BNC2: variants seen among roughly 807,000 people sequenced by gnomAD.
The protein encoded by BNC2 is basonuclin zinc finger protein 2, also known as zinc finger protein basonuclin-2.
A neutral mutation model predicts 76.3 loss-of-function variants in BNC2; 20 were observed. The ratio of observed to expected loss-of-function variants is 0.26; its 90% confidence interval spans 0.18 to 0.38. The LOEUF (loss-of-function observed/expected upper bound fraction) is 0.38, where lower values mean the gene tolerates loss of function less well. Among genes scored for constraint, BNC2 ranks in the 10% least tolerant of loss-of-function variants. The pLI is 1.00. For synonymous variants in BNC2, 582 were observed against 514.8 expected, an observed-to-expected ratio of 1.13 and a Z score of -1.77; for missense variants, 1,382 against 1,399.8, an observed-to-expected ratio of 0.99 and a Z score of 0.20.
intron 1 of BNC2, among the ~76,000 whole-genome samples, chr9:16,861,642 G>C (rs1004413902): frequency 6.6e-6 from 1 of 152,210 alleles, no homozygotes; most frequent in South Asian, 2.1e-4. Context: ...TCACTAGTAT[G>C]ATTCAAATAA....
chr9:16,735,722 C>CAA (rs1824647469), intron 2 of BNC2, among the ~76,000 whole-genome samples: 1 of 151,806 alleles, frequency 6.6e-6, no homozygotes, highest in Admixed American at 6.6e-5. Flanking sequence ...CCAGGCTGGT[C>CAA]TTGAACTCCT....
At chr9:16,634,013 T>C (rs1407454783) in intron 3 of BNC2, among the ~76,000 whole-genome samples, 1 of 152,314 alleles carries the variant, frequency 6.6e-6, no homozygotes, top group South Asian at 2.1e-4. Context: ...TTTATTAAAC[T>C]ACCCTATCCA....
At chr9:16,435,385 G>C (rs897589295) in intron 6 of BNC2, among the ~76,000 whole-genome samples, 170 bp downstream of exon 6, 4 of 152,088 alleles carry the variant, frequency 2.6e-5, no homozygotes, top group African/African-American at 9.7e-5. Flanking sequence ...AGCACCAACT[G>C]CAACAATCCT....
chr9:16,864,210 A>C (rs950837201), intron 1 of BNC2, among the ~76,000 whole-genome samples: 15 of 152,340 alleles, frequency 9.8e-5, no homozygotes, highest in Non-Finnish European at 7.3e-5. Flanking sequence ...AGCAAAGGAA[A>C]ATTAATAGGC....
intron 4 of BNC2, among the ~76,000 whole-genome samples, chr9:16,559,309 T>A (rs150395184): frequency 6.6e-6 from 1 of 152,208 alleles, no homozygotes; most frequent in South Asian, 2.1e-4. Flanking sequence ...CTATCGTTAG[T>A]GTGTTAGTGT....
intron 1 of BNC2, among the ~76,000 whole-genome samples, chr9:16,768,563 T>C (rs1825754859): frequency 6.6e-6 from 1 of 151,932 alleles, no homozygotes; most frequent in South Asian, 2.1e-4. Context: ...TAAATGAAAA[T>C]GCTAGGCAAA....
intron 1 of BNC2, among the ~76,000 whole-genome samples, chr9:16,804,902 A>G (rs1817867182): frequency 6.6e-6 from 1 of 152,054 alleles, no homozygotes; most frequent in African/African-American, 2.4e-5. Context: ...TCTCTACTAA[A>G]AATACAAAAA....
At chr9:16,694,875 C>T (rs553582490) in intron 3 of BNC2, among the ~76,000 whole-genome samples, 9 of 152,152 alleles carry the variant, frequency 5.9e-5, no homozygotes, top group African/African-American at 1.7e-4. Flanking sequence ...GATACCCCCC[C>T]ACCCCCATCC....
chr9:16,576,005 T>C (rs1386779382), intron 4 of BNC2, among the ~76,000 whole-genome samples: 2 of 152,238 alleles, frequency 1.3e-5, no homozygotes, highest in Non-Finnish European at 2.9e-5. Flanking sequence ...AAGACGATAG[T>C]GTTTCTATCC....
intron 6 of BNC2, among the ~76,000 whole-genome samples, chr9:16,428,716 A>G (rs1485201338): frequency 6.6e-6 from 1 of 152,188 alleles, no homozygotes; most frequent in Non-Finnish European, 1.5e-5. Flanking sequence ...AGCAACAAAA[A>G]GAATTAAACT....
At chr9:16,482,442 T>C (rs1362654428) in intron 5 of BNC2, among the ~76,000 whole-genome samples, 1 of 151,062 alleles carries the variant, frequency 6.6e-6, no homozygotes, top group East Asian at 1.9e-4. Flanking sequence ...CTATAGAAAC[T>C]CAAACTAATA....
intron 5 of BNC2, among the ~76,000 whole-genome samples, chr9:16,542,748 C>T (rs1482475445): frequency 6.6e-6 from 1 of 152,228 alleles, no homozygotes; most frequent in East Asian, 1.9e-4. Context: ...ACACTTCCGT[C>T]AGCATTACAT....
At chr9:16,832,472 T>C (rs564180235) in intron 1 of BNC2, 59 of 178,966 alleles carry the variant, frequency 3.3e-4, no homozygotes, top group African/African-American at 1.3e-3. Flanking sequence ...GTGTAGGCAA[T>C]AGATGACATT....
At chr9:16,661,393 T>A (rs1822106497) in intron 3 of BNC2, among the ~76,000 whole-genome samples, 1 of 152,224 alleles carries the variant, frequency 6.6e-6, no homozygotes, top group East Asian at 1.9e-4. Context: ...ACAAGTTTAC[T>A]TGGAGACTGA....
intron 3 of BNC2, among the ~76,000 whole-genome samples, chr9:16,669,474 T>A (rs1822409320): frequency 6.6e-6 from 1 of 152,182 alleles, no homozygotes; most frequent in Admixed American, 6.5e-5. Context: ...CTATTGTGAA[T>A]TGGAGCAAAA....
Position 16,435,919 on chromosome 9 carries a change from G to T in BNC2, c.2275C>A (p.Pro759Thr). 1.2e-6 allele frequency: 2 copies of T among 1,613,974 alleles called. No individual in the cohort carries two copies. Among genetic ancestry groups the T allele is most frequent in the South Asian group, 1.1e-5 (1 of 91,078 alleles). ...SEKVLMNSER[P>T]DENHSEPSHQ... ...GAGGGCTCACTGTGGTTCTCATCAGGCCTCTCACTATTCATCAGGACTTTT... is the reference window on the plus strand; with the variant it reads ...GAGGGCTCACTGTGGTTCTCATCAGTCCTCTCACTATTCATCAGGACTTTT... Residue 759 changes from proline (P) to threonine (T), a missense_variant, in exon 6 of 7, where the codon CCT becomes ACT. Physicochemically the swap from Pro to Thr is conservative, Grantham distance 38. Around this residue, in one of 3 missense-constraint regions of BNC2, gnomAD observed 798 missense variants for 775.5 expected, o/e 1.03. Transcript: ENST00000380672.
intron 3 of BNC2, among the ~76,000 whole-genome samples, chr9:16,639,430 G>A (rs1021452799): frequency 6.6e-6 from 1 of 152,132 alleles, no homozygotes; most frequent in African/African-American, 2.4e-5. Flanking sequence ...TTTCAAAAAT[G>A]ATTTCAAGTT....
chr9:16,864,539 G>C (rs1819493578), intron 1 of BNC2, among the ~76,000 whole-genome samples: 1 of 152,054 alleles, frequency 6.6e-6, no homozygotes, highest in Non-Finnish European at 1.5e-5. Context: ...CTATCTCCTT[G>C]GCCTGTTAAG....
At chr9:16,689,850 C>G (rs759497563) in intron 3 of BNC2, among the ~76,000 whole-genome samples, 10 of 152,112 alleles carry the variant, frequency 6.6e-5, no homozygotes, top group Non-Finnish European at 1.0e-4. Context: ...GGAAGACCAT[C>G]AAGTGAAATA....
Sources: gnomAD v4.1 joint callset for allele counts (sites outside exome capture counted in the v4.1 genomes callset) on GRCh38, gnomAD v4.1.1 for gene constraint, gnomAD v4.1.1 regional missense constraint, MANE v1.5 for transcripts, NCBI Gene and HGNC (gene_info 2026-07-23, HGNC 2026-07-21) for gene names.